The following FIGLA variants were observed in gnomAD, a reference collection of about 807,000 sequenced individuals.
FIGLA encodes the protein folliculogenesis specific bHLH transcription factor, also known as factor in the germline alpha.
FIGLA carries 17 observed loss-of-function variants against 21.5 expected under a neutral mutation model. The ratio of observed to expected loss-of-function variants is 0.79; its 90% CI spans 0.54 to 1.19. The LOEUF is 1.19. FIGLA is among the 50% of genes most tolerant of loss of function. FIGLA has a pLI of 0.00. For synonymous variants in FIGLA, 129 were observed against 117.6 expected (o/e 1.10, Z -0.63); for missense variants, 282 against 285.0 (o/e 0.99, Z 0.08).
intron 2 of FIGLA, among the ~76,000 whole-genome samples, 159 bp downstream of exon 2, chr2:70,787,490 T>C (rs1675977465): frequency 1.3e-5 from 2 of 152,232 alleles, no homozygotes; most frequent in Admixed American, 1.3e-4. Context: ...CTTAACTATA[T>C]TTTGGTTTCC....
intron 3 of FIGLA, among the ~76,000 whole-genome samples, chr2:70,781,190 A>C (rs373751104): frequency 6.6e-6 from 1 of 152,136 alleles, no homozygotes; most frequent in African/African-American, 2.4e-5. Flanking sequence ...ACAGCTTGCC[A>C]TGAGTGTTAA....
At position 70,790,450 on chromosome 2, in the gene FIGLA, C is replaced by T. The variant is rs782665860; in HGVS notation, c.189G>A (p.Val63=). 6.5e-7 allele frequency: 1 copy of T among 1,545,350 alleles called. No individual in the cohort carries two copies. The highest frequency in any genetic ancestry group is 1.2e-5 in the South Asian group (1 of 83,726). Reference sequence around the variant, plus strand: ...CGTTGGCCACACGCCGCCGCTCCAGCACCAACTGGAGGTTTTCAGTGGACG... The same window carrying T: ...CGTTGGCCACACGCCGCCGCTCCAGTACCAACTGGAGGTTTTCAGTGGACG... The part of the protein sequence containing the change: ...GYSSTENLQL[V]LERRRVANAK... Residue 63 remains valine (V), a synonymous_variant, in exon 1 of 5, where the codon GTG becomes GTA. Transcript: ENST00000332372.
chr2:70,778,699 T>C (rs1304118265), intron 3 of FIGLA, among the ~76,000 whole-genome samples: 1 of 152,214 alleles, frequency 6.6e-6, no homozygotes, highest in East Asian at 1.9e-4. Context: ...CCAAAGTTTA[T>C]AAATGTTGTC....
intron 3 of FIGLA, 129 bp downstream of exon 3, chr2:70,785,286 C>G: frequency 1.2e-6 from 1 of 821,474 alleles, no homozygotes; most frequent in South Asian, 1.8e-5. Flanking sequence ...ACCCCACTGC[C>G]CCACCCAAAG....
In FIGLA at chr2:70,786,595, C is replaced by T. The variant is rs151009182; in HGVS notation, c.385-956G>A. ...CTGGGATTATAGGCGTGAGCCACCG[C>T]GCCTGGCAGACTTCTAGGTTAAATG... is the stretch of plus-strand genomic sequence containing the variant. On this transcript the variant is annotated intron_variant, in intron 2 of 4. Coordinates refer to ENST00000332372, the MANE Select transcript of FIGLA (RefSeq NM_001004311.3). Among the ~76,000 whole-genome samples, 875 of 152,276 alleles carry T rather than the reference C, an allele frequency of 5.7e-3. 4 individuals carry two copies. Among genetic ancestry groups the T allele is most frequent in the Non-Finnish European group, 9.9e-3 (673 of 68,028 alleles).
At chr2:70,787,155 G>A (rs1675971265) in intron 2 of FIGLA, among the ~76,000 whole-genome samples, 1 of 152,194 alleles carries the variant, frequency 6.6e-6, no homozygotes, top group Non-Finnish European at 1.5e-5. Context: ...AACCCCATGA[G>A]ACTGGTATCA....
chr2:70,777,401 TC>T lies in FIGLA; in HGVS notation c.645-20del. The stretch of plus-strand genomic sequence containing the variant: ...TGGAAGTCTGAAACAGAGAAAACAT[TC>T]CATTATAAATAGTTAAAAATAAGAA... On this transcript the variant is annotated intron_variant, in intron 4 of 4. Transcript: ENST00000332372. The T allele has an allele frequency of 6.8e-7, 1 of 1,470,906 alleles. No individual in the cohort carries two copies. Among genetic ancestry groups the T allele is most frequent in the Admixed American group, 2.6e-5 (1 of 37,882 alleles). The allele number at this position is 1,470,906 out of a possible 1,614,324, so 91.1% of individuals were successfully genotyped here. A position where few individuals can be genotyped will look rare whatever the true frequency, so the allele number is the denominator to read the frequency against.
chr2:70,789,532 C>T (rs1574353295), intron 1 of FIGLA, among the ~76,000 whole-genome samples: 1 of 152,160 alleles, frequency 6.6e-6, no homozygotes, highest in Non-Finnish European at 1.5e-5. Flanking sequence ...CGCTTGCCCT[C>T]TCCCTGCAAA....
chr2:70,777,574 T>A, intron 4 of FIGLA, 63 bp downstream of exon 4: 1 of 1,572,136 alleles, frequency 6.4e-7, no homozygotes. Context: ...GAATTAGCAC[T>A]CTTATTATAC....
At chr2:70,780,862 C>T (rs1177683555) in intron 3 of FIGLA, among the ~76,000 whole-genome samples, 5 of 152,010 alleles carry the variant, frequency 3.3e-5, no homozygotes, top group African/African-American at 9.7e-5. Flanking sequence ...GGCAGCCCAG[C>T]GCAGGATATC....
At chr2:70,778,167 G>A (rs1553388604) in intron 3 of FIGLA, among the ~76,000 whole-genome samples, 1 of 152,096 alleles carries the variant, frequency 6.6e-6, no homozygotes, top group East Asian at 1.9e-4. Context: ...AGTTTTGTTA[G>A]AACGAAAGTG....
rs2104594592 is a variant in FIGLA at position 70,777,319 on chromosome 2, G to A, written c.*48C>T. On this transcript the variant is annotated 3_prime_UTR_variant, in exon 5 of 5. Transcript: ENST00000332372. Reference sequence around the variant, plus strand: ...AAAAGAGAGACTCCAAAACTTTCAAGACTGCATTTATTTGTCTCTAGAAGG... The same window carrying A: ...AAAAGAGAGACTCCAAAACTTTCAAAACTGCATTTATTTGTCTCTAGAAGG... 3.3e-6 allele frequency: 4 copies of A among 1,202,060 alleles called. No individual in the cohort carries two copies. The highest frequency in any genetic ancestry group is 1.6e-5 in the South Asian group (1 of 61,654). 74.5% of individuals were successfully genotyped at this position (1,202,060 alleles called of 1,614,324 possible).
At chr2:70,778,226 C>T (rs1176650051) in intron 3 of FIGLA, among the ~76,000 whole-genome samples, 3 of 152,208 alleles carry the variant, frequency 2.0e-5, no homozygotes, top group Non-Finnish European at 2.9e-5. Context: ...AACCCCAACA[C>T]TTCACTGACT....
Position 70,790,583 on chromosome 2 carries a change from C to A in FIGLA, c.56G>T (p.Gly19Val), listed in dbSNP as rs1553390788. ...CTCCAGCACCTCGGCTTGCGGGGTG[C>A]CCAGGAGCGCGGGCGGCGCGGCGCG... ...DPRAAPPALL[G>V]TPQAEVLEDV... Residue 19 changes from glycine to valine, a missense_variant, in exon 1 of 5, where the codon GGC becomes GTC. Physicochemically the swap from Gly to Val is moderately radical, Grantham distance 109. Transcript: ENST00000332372. 6.7e-7 allele frequency: 1 copy of A among 1,495,986 alleles called. No individual in the cohort carries two copies. Among genetic ancestry groups the A allele is most frequent in the Non-Finnish European group, 8.9e-7 (1 of 1,128,658 alleles). The allele number at this position is 1,495,986 out of a possible 1,614,324, so 92.7% of individuals were successfully genotyped here. A position where few individuals can be genotyped will look rare whatever the true frequency, so the allele number is the denominator to read the frequency against.
intron 3 of FIGLA, among the ~76,000 whole-genome samples, chr2:70,780,535 AC>A (rs748579369): frequency 2.0e-5 from 3 of 152,018 alleles, no homozygotes; most frequent in Non-Finnish European, 2.9e-5. Context: ...ACTTCCTTGG[AC>A]CCTTTTTATC....
In FIGLA at chr2:70,785,447, T is replaced by C. The variant is rs1558598562; in HGVS notation, c.577A>G (p.Thr193Ala). Residue 193 changes from threonine (T) to alanine (A), a missense_variant, in exon 3 of 5, where the codon ACG becomes GCG. By Grantham distance (58) the Thr-to-Ala change is moderately conservative (BLOSUM62 0). Transcript: ENST00000332372. ...CTGGTTGGGGAGATAATTTCAGTCG[T>C]AGACATCACACTGTGGCGACAAGCG... ...AHACRHSVMS[T>A]TEIISPTRSL... The C allele has an allele frequency of 6.2e-7, 1 of 1,613,886 alleles. No homozygotes were observed. The highest frequency in any genetic ancestry group is 8.5e-7 in the Non-Finnish European group (1 of 1,179,758).
chr2:70,781,112 A>T (rs1214838713), intron 3 of FIGLA, among the ~76,000 whole-genome samples: 1 of 152,174 alleles, frequency 6.6e-6, no homozygotes, highest in Non-Finnish European at 1.5e-5. Context: ...GAGCAGGGAG[A>T]GGAGGAATCC....
Position 70,778,643 on chromosome 2 carries a change from A to T in FIGLA, c.610-972T>A, listed in dbSNP as rs142458682. Among the ~76,000 whole-genome samples, 439 of 152,298 alleles carry T rather than the reference A, an allele frequency of 2.9e-3. 3 individuals carry two copies. Among genetic ancestry groups the T allele is most frequent in the African/African-American group, 9.7e-3 (402 of 41,566 alleles). On this transcript the variant is annotated intron_variant, in intron 3 of 4. Transcript: ENST00000332372. The stretch of plus-strand genomic sequence containing the variant: ...TAGTTTGTTTTTAAGAATTAGCTGG[A>T]AAATTTCAGAAACGTAATATTTAAG...
At chr2:70,784,084 A>G (rs1675903145) in intron 3 of FIGLA, among the ~76,000 whole-genome samples, 1 of 151,204 alleles carries the variant, frequency 6.6e-6, no homozygotes, top group African/African-American at 2.5e-5. Context: ...GGCCAGCGAA[A>G]TCTTATATCT....
Sources: allele counts gnomAD v4.1 joint callset (sites outside exome capture counted in the v4.1 genomes callset), GRCh38; gene constraint gnomAD v4.1.1; transcripts MANE v1.5; gene names NCBI Gene and HGNC (gene_info 2026-07-23, HGNC 2026-07-21).